KPNA3: variants seen among roughly 807,000 people sequenced by gnomAD.
KPNA3 encodes the protein karyopherin subunit alpha 3, also known as importin subunit alpha-4.
A neutral mutation model predicts 73.8 loss-of-function variants in KPNA3; 13 were observed. The observed-to-expected ratio is 0.18, with a 90% CI of 0.11 to 0.28. KPNA3 has a LOEUF of 0.28. KPNA3 is among the 10% of genes least tolerant of loss of function. KPNA3 has a pLI of 1.00. For missense variants in KPNA3, 360 were observed against 618.1 expected (o/e 0.58, Z 4.43); for synonymous variants, 186 against 206.9 (o/e 0.90, Z 0.87).
chr13:49,785,968 T>C (rs1000680140), intron 1 of KPNA3, among the ~76,000 whole-genome samples: 4 of 152,224 alleles, frequency 2.6e-5, no homozygotes, highest in African/African-American at 9.6e-5. Context: ...TTCTGTACTT[T>C]ATGTTCAACT....
At position 49,701,354 on chromosome 13, in the gene KPNA3, G is replaced by A. The variant is rs754719058; in HGVS notation, c.*446C>T. On this transcript the variant is annotated 3_prime_UTR_variant, in exon 17 of 17. Transcript: ENST00000261667. Reference sequence around the variant, plus strand: ...AGAATATGAAAATATGTTTGTGGAGGACAATGATGGAGGCTCAGATCACAC... The same window carrying A: ...AGAATATGAAAATATGTTTGTGGAGAACAATGATGGAGGCTCAGATCACAC... 1.8e-5 allele frequency: 5 copies of A among 275,196 alleles called. No individual in the cohort carries two copies. Among genetic ancestry groups the A allele is most frequent in the Non-Finnish European group, 3.1e-5 (4 of 128,384 alleles). The allele number at this position is 275,196 out of a possible 1,614,324, so 17.0% of individuals were successfully genotyped here. A position where few individuals can be genotyped will look rare whatever the true frequency, so the allele number is the denominator to read the frequency against.
chr13:49,716,642 T>C (rs970602281), intron 10 of KPNA3, among the ~76,000 whole-genome samples: 5 of 152,098 alleles, frequency 3.3e-5, no homozygotes, highest in African/African-American at 1.2e-4. Flanking sequence ...TTTTGCTATG[T>C]TGGCCAGGCT....
chr13:49,740,048 C>T (rs1169456654), intron 2 of KPNA3, among the ~76,000 whole-genome samples: 1 of 152,006 alleles, frequency 6.6e-6, no homozygotes, highest in East Asian at 1.9e-4. Context: ...CTCAGAAGTT[C>T]AAGACCAGCC....
intron 1 of KPNA3, among the ~76,000 whole-genome samples, chr13:49,766,556 A>C (rs1954809348): frequency 6.6e-6 from 1 of 152,230 alleles, no homozygotes; most frequent in Non-Finnish European, 1.5e-5. Context: ...AAGAGTAACT[A>C]AAAATCAAAT....
At chr13:49,739,440 ACT>A (rs998967398) in intron 2 of KPNA3, among the ~76,000 whole-genome samples, 4 of 151,946 alleles carry the variant, frequency 2.6e-5, no homozygotes, top group African/African-American at 9.7e-5. Context: ...TTCCTACATA[ACT>A]CTGTCTACAA....
chr13:49,706,860 T>C (rs1378756060), intron 12 of KPNA3, among the ~76,000 whole-genome samples: 2 of 152,142 alleles, frequency 1.3e-5, no homozygotes, highest in African/African-American at 2.4e-5. Flanking sequence ...GCCATTCTCC[T>C]GCCTCAGTCT....
chr13:49,743,814 G>A (rs966462006), intron 2 of KPNA3, among the ~76,000 whole-genome samples: 1 of 152,122 alleles, frequency 6.6e-6, no homozygotes, highest in Non-Finnish European at 1.5e-5. Context: ...AAGTTTTAAA[G>A]TTGAATTGCA....
chr13:49,709,468 G>T, intron 12 of KPNA3, 104 bp downstream of exon 12: 2 of 892,512 alleles, frequency 2.2e-6, no homozygotes, highest in Non-Finnish European at 3.3e-6. Flanking sequence ...CATCTTCGCT[G>T]CAGTGGCTTT....
At chr13:49,707,582 C>G (rs1373338286) in intron 12 of KPNA3, among the ~76,000 whole-genome samples, 3 of 143,324 alleles carry the variant, frequency 2.1e-5, no homozygotes, top group African/African-American at 7.7e-5. Context: ...CTCTACCCCC[C>G]ACGATACCCT....
chr13:49,755,062 C>T (rs961776400), intron 1 of KPNA3, among the ~76,000 whole-genome samples: 2 of 151,016 alleles, frequency 1.3e-5, no homozygotes, highest in African/African-American at 4.9e-5. Flanking sequence ...GAAAAGACAG[C>T]ATTAAAAAAA....
At chr13:49,727,157 G>C (rs1488591070) in intron 6 of KPNA3, among the ~76,000 whole-genome samples, 2 of 151,856 alleles carry the variant, frequency 1.3e-5, no homozygotes, top group East Asian at 3.9e-4. Context: ...GTATCAAAAG[G>C]TTAAAGAAGT....
chr13:49,726,646 AG>A (rs369336579), intron 6 of KPNA3, among the ~76,000 whole-genome samples: 189 of 152,334 alleles, frequency 1.2e-3, no homozygotes, highest in African/African-American at 4.5e-3. Flanking sequence ...AGGCTGATAT[AG>A]GAGAGACCTA....
chr13:49,717,440 G>GAAAAAAAAAAAA (rs61581557), intron 10 of KPNA3, among the ~76,000 whole-genome samples: 18 of 126,818 alleles, frequency 1.4e-4, no homozygotes, highest in East Asian at 5.0e-4. Context: ...GGAAAAAAAA[G>GAAAAAAAAAAAA]AAAAAAAAAA....
intron 1 of KPNA3, among the ~76,000 whole-genome samples, chr13:49,777,125 C>T (rs1445493757): frequency 3.3e-5 from 5 of 152,228 alleles, no homozygotes; most frequent in Non-Finnish European, 7.3e-5. Flanking sequence ...TCCAATCCCT[C>T]TAATTATTTC....
chr13:49,719,387 G>C (rs1019934367), intron 10 of KPNA3, among the ~76,000 whole-genome samples: 7 of 152,090 alleles, frequency 4.6e-5, no homozygotes, highest in Admixed American at 1.3e-4. Flanking sequence ...ATCTCTCTCT[G>C]AGAGTCCGTT....
At position 49,715,807 on chromosome 13, in the gene KPNA3, T is replaced by C. The variant is rs540593810; in HGVS notation, c.771+3968A>G. ...TGCTTCTAAGAATATACCCTGAAGA[T>C]ATACCTCCAATAATATGAAAACACA... On this transcript the variant is annotated intron_variant, in intron 10 of 16. Coordinates refer to ENST00000261667, the MANE Select transcript of KPNA3 (RefSeq NM_002267.4). Among the ~76,000 whole-genome samples, 3 of 152,316 alleles carry C rather than the reference T, an allele frequency of 2.0e-5. No homozygotes were observed. In the East Asian group the frequency reaches 5.8e-4, roughly 29 times the overall value.
intron 1 of KPNA3, among the ~76,000 whole-genome samples, chr13:49,789,260 T>C (rs972473670): frequency 1.3e-5 from 2 of 152,170 alleles, no homozygotes; most frequent in African/African-American, 4.8e-5. Context: ...ATAATCACTC[T>C]TCTTTTTTAC....
Position 49,705,697 on chromosome 13 carries a change from T to C in KPNA3, c.1296A>G (p.Leu432=). The change falls in exon 15 of 17, where the codon CTA becomes CTG. Residue 432 remains leucine, a synonymous_variant. Coordinates refer to ENST00000261667, the MANE Select transcript of KPNA3 (RefSeq NM_002267.4). ...VKDSQVVQVV[L]DGLKNILIMA... is the part of the protein sequence containing the mutation. ...TTATCAGAATGTTTTTTAGACCATC[T>C]AGAACCACCTGAACCACTTGAGAAT... The C allele has an allele frequency of 6.2e-7, 1 of 1,614,140 alleles. No homozygotes were observed. The highest frequency in any genetic ancestry group is 8.5e-7 in the Non-Finnish European group (1 of 1,179,984).
chr13:49,732,482 T>C lies in KPNA3; in HGVS notation c.288-16A>G. On this transcript the variant is annotated splice_polypyrimidine_tract_variant and intron_variant, in intron 5 of 16. Coordinates refer to ENST00000261667, the MANE Select transcript of KPNA3 (RefSeq NM_002267.4). ...TAACAGTTTTCTAGGAAAATAAATA[T>C]GAGAAATTAATTGCTATAATTTTCA... The C allele has an allele frequency of 2.0e-6, 3 of 1,527,408 alleles. No homozygotes were observed. The highest frequency in any genetic ancestry group is 1.8e-6 in the Non-Finnish European group (2 of 1,113,988). The allele number at this position is 1,527,408 out of a possible 1,614,324, so 94.6% of individuals were successfully genotyped here. A position where few individuals can be genotyped will look rare whatever the true frequency, so the allele number is the denominator to read the frequency against.
Sources: allele counts gnomAD v4.1 joint callset (sites outside exome capture counted in the v4.1 genomes callset), GRCh38; gene constraint gnomAD v4.1.1; transcripts MANE v1.5; gene names NCBI Gene and HGNC (gene_info 2026-07-23, HGNC 2026-07-21).